Variants in TFAP2E observed in about 807,000 individuals in gnomAD.
TFAP2E encodes the protein transcription factor AP-2 epsilon.
A neutral mutation model predicts 37.9 loss-of-function variants in TFAP2E; 30 were observed. The observed-to-expected ratio is 0.79, with a 90% confidence interval of 0.59 to 1.07. The LOEUF is 1.07. Among genes scored for constraint, TFAP2E ranks in the 50% least tolerant of loss-of-function variants. The pLI is 0.00. For missense variants in TFAP2E, 567 were observed against 637.9 expected, an observed-to-expected ratio of 0.89 and a Z score of 1.20; for synonymous variants, 318 against 295.8, an observed-to-expected ratio of 1.08 and a Z score of -0.77.
At chr1:35,576,393 G>A (rs972318907) in intron 3 of TFAP2E, among the ~76,000 whole-genome samples, 1 of 152,168 alleles carries the variant, frequency 6.6e-6, no homozygotes, top group Middle Eastern at 3.2e-3. Flanking sequence ...CAGCTCTGCT[G>A]GTGGGGCTTG....
Position 35,588,606 on chromosome 1 carries a change from G to T in TFAP2E, c.785+54G>T, listed in dbSNP as rs1438954088. ...CTGATTGGATCCCTGGCCTCTTCAGGCCTTCTCAAGGCATCAGAGAGGAGG... is the reference window on the plus strand; with the variant it reads ...CTGATTGGATCCCTGGCCTCTTCAGTCCTTCTCAAGGCATCAGAGAGGAGG... On this transcript the variant is annotated intron_variant, in intron 4 of 6. Coordinates refer to ENST00000373235, the MANE Select transcript of TFAP2E (RefSeq NM_178548.4). The surrounding 1 kb of genome is among the most constrained non-coding windows in gnomAD (Gnocchi z 5.1). 21 of 1,496,870 alleles carry T rather than the reference G, an allele frequency of 1.4e-5. No individual in the cohort carries two copies. Among genetic ancestry groups the T allele is most frequent in the Non-Finnish European group, 1.9e-5 (21 of 1,116,766 alleles). 92.7% of individuals were successfully genotyped at this position (1,496,870 alleles called of 1,614,324 possible). A position where few individuals can be genotyped will look rare whatever the true frequency, so the allele number is the denominator to read the frequency against.
At chr1:35,591,832 G>C (rs149000178) in intron 6 of TFAP2E, among the ~76,000 whole-genome samples, 1 of 152,108 alleles carries the variant, frequency 6.6e-6, no homozygotes, top group African/African-American at 2.4e-5. Flanking sequence ...GATCACAGGC[G>C]CCTGCCACCA....
Position 35,588,246 on chromosome 1 carries a change from T to C in TFAP2E, c.563-84T>C. 1 of 1,395,120 alleles carries C rather than the reference T, an allele frequency of 7.2e-7. No homozygotes were observed. 86.4% of individuals were successfully genotyped at this position (1,395,120 alleles called of 1,614,324 possible). A position where few individuals can be genotyped will look rare whatever the true frequency, so the allele number is the denominator to read the frequency against. The stretch of plus-strand genomic sequence containing the variant: ...ACCTCACTGTGGCTCAGTTTCTCCC[T>C]TCATAAAGCAAGGATACCAGACCCT... On this transcript the variant is annotated intron_variant, in intron 3 of 6. Transcript: ENST00000373235. The surrounding 1 kb of genome is among the most constrained non-coding windows in gnomAD (Gnocchi z 5.1).
chr1:35,584,218 C>T (rs1372949965), intron 3 of TFAP2E, among the ~76,000 whole-genome samples: 1 of 152,218 alleles, frequency 6.6e-6, no homozygotes, highest in Admixed American at 6.5e-5. Context: ...TGGCCTCAGC[C>T]TTCCGAGCAG....
At chr1:35,592,446 G>A (rs571116266) in intron 6 of TFAP2E, among the ~76,000 whole-genome samples, 11 of 152,198 alleles carry the variant, frequency 7.2e-5, no homozygotes, top group South Asian at 2.1e-4. Context: ...TGCCCAGGCC[G>A]GAGTGCAGTG....
In TFAP2E at chr1:35,574,090, T is replaced by C; in HGVS notation, c.191T>C (p.Leu64Pro). The change falls in exon 2 of 7, where the codon CTG becomes CCG. Residue 64 changes from leucine (L) to proline (P), a missense_variant. Transcript: ENST00000373235. ...CCGCCGCCCTACCCGCAGCCACCGC[T>C]GCCCTACGGTCAGGCGCCCGACGCC... ...YFPPPYPQPP[L>P]PYGQAPDAAA... is the part of the protein sequence containing the mutation. 1 of 1,474,270 alleles carries C rather than the reference T, an allele frequency of 6.8e-7. No homozygotes were observed. Among genetic ancestry groups the C allele is most frequent in the South Asian group, 1.3e-5 (1 of 79,828 alleles). 91.3% of individuals were successfully genotyped at this position (1,474,270 alleles called of 1,614,324 possible). A position where few individuals can be genotyped will look rare whatever the true frequency, so the allele number is the denominator to read the frequency against.
intron 3 of TFAP2E, among the ~76,000 whole-genome samples, chr1:35,582,845 T>C (rs559805535): frequency 1.6e-4 from 24 of 152,244 alleles, no homozygotes; most frequent in Non-Finnish European, 3.4e-4. Context: ...TAATATCTTT[T>C]GAGGTGCAAA....
intron 3 of TFAP2E, among the ~76,000 whole-genome samples, chr1:35,576,982 G>T (rs1649195722): frequency 7.1e-6 from 1 of 140,404 alleles, no homozygotes; most frequent in African/African-American, 3.0e-5. Context: ...CAGCGCCAGC[G>T]GGACCCCAGC....
intron 3 of TFAP2E, among the ~76,000 whole-genome samples, chr1:35,581,138 C>T (rs886674282): frequency 1.3e-5 from 2 of 152,166 alleles, no homozygotes; most frequent in South Asian, 2.1e-4. Context: ...TTGCATCAAG[C>T]GTCTTTTGCT....
intron 4 of TFAP2E, among the ~76,000 whole-genome samples, chr1:35,589,327 T>A (rs1264142477): frequency 6.6e-6 from 1 of 151,714 alleles, no homozygotes; most frequent in Non-Finnish European, 1.5e-5. Flanking sequence ...AGGGGTTATC[T>A]CCTTACTCCT....
rs752838088 is a variant in TFAP2E at position 35,589,945 on chromosome 1, T to C, written c.801T>C (p.Asn267=). The change falls in exon 5 of 7, where the codon AAT becomes AAC. Residue 267 remains asparagine (N), a synonymous_variant. Transcript: ENST00000373235. Reference sequence around the variant, plus strand: ...GCATGTCAAGGGCCAAGTCCAAAAATGGGGGCCGGTGTTTGCGGGAACGGT... The same window carrying C: ...GCATGTCAAGGGCCAAGTCCAAAAACGGGGGCCGGTGTTTGCGGGAACGGT... ...GGVLRRAKSK[N]GGRCLRERLE... is the part of the protein sequence containing the mutation. The C allele has an allele frequency of 1.9e-6, 3 of 1,613,944 alleles. No homozygotes were observed. Among genetic ancestry groups the C allele is most frequent in the African/African-American group, 1.3e-5 (1 of 75,006 alleles).
intron 2 of TFAP2E, 149 bp from the exon 3 acceptor site, chr1:35,574,800 T>A (rs1318048438): frequency 1.0e-6 from 1 of 1,004,094 alleles, no homozygotes; most frequent in Non-Finnish European, 1.6e-6. Flanking sequence ...TGCCTGGACA[T>A]AGCGATTCCT....
At chr1:35,594,360 GTCC>G (rs770970891) in intron 6 of TFAP2E, 31 bp from the exon 7 acceptor site, 12 of 1,598,510 alleles carry the variant, frequency 7.5e-6, no homozygotes, top group Non-Finnish European at 9.3e-6. Context: ...TCAGACTTTT[GTCC>G]TCCAACCTCT....
chr1:35,574,638 G>A (rs1649116176), intron 2 of TFAP2E: 1 of 755,290 alleles, frequency 1.3e-6, no homozygotes, highest in African/African-American at 1.8e-5. Context: ...ACCCTCGGCA[G>A]GGACCGAATC....
rs201106841 is a variant in TFAP2E, at chr1:35,583,603, AGTGTGT to A, written c.563-4693_563-4688del. On this transcript the variant is annotated intron_variant, in intron 3 of 6. Transcript: ENST00000373235. ...AACCGGGAGCTCTTGTGTCTGCAGGAGTGTGTGTGTGTGTGTGTGTGTGTGTGTGTG... is the reference window on the plus strand; with the variant it reads ...AACCGGGAGCTCTTGTGTCTGCAGGAGTGTGTGTGTGTGTGTGTGTGTGTG... Among the ~76,000 whole-genome samples the A allele has an allele frequency of 9.1e-3, 1,256 of 137,988 alleles. 14 individuals carry two copies. The highest frequency in any genetic ancestry group is 0.029 in the African/African-American group (1,108 of 37,852). The allele number at this position is 137,988 out of a possible 152,430, so 90.5% of individuals were successfully genotyped here.
chr1:35,580,963 CA>C (rs529215019), intron 3 of TFAP2E, among the ~76,000 whole-genome samples: 2 of 152,086 alleles, frequency 1.3e-5, no homozygotes, highest in Non-Finnish European at 2.9e-5. Context: ...ACCATTACCA[CA>C]AAAAAATCCA....
chr1:35,582,782 C>G (rs1649386766), intron 3 of TFAP2E, among the ~76,000 whole-genome samples: 2 of 152,074 alleles, frequency 1.3e-5, no homozygotes, highest in Non-Finnish European at 2.9e-5. Context: ...GCCTGAGCCT[C>G]TCGAGTAACT....
intron 3 of TFAP2E, among the ~76,000 whole-genome samples, chr1:35,586,931 G>A (rs918107577): frequency 2.6e-5 from 4 of 152,232 alleles, no homozygotes; most frequent in Non-Finnish European, 5.9e-5. Flanking sequence ...CTTTGAGACT[G>A]CAGTCTTGGG....
In TFAP2E at chr1:35,591,609, G is replaced by A. The variant is rs41375048; in HGVS notation, c.1046+834G>A. On this transcript the variant is annotated intron_variant, in intron 6 of 6. Transcript: ENST00000373235. ...TGCATAAGAATCTTCAATGGTTCCC[G>A]CTGCATTGATTTTCAAACTAGGTCT... 5.9e-3 allele frequency among the ~76,000 whole-genome samples: 898 copies of A among 152,304 alleles called. 20 individuals are homozygous for A. The East Asian group carries it at 0.062, about 10-fold the overall frequency.
Sources: allele counts gnomAD v4.1 joint callset (sites outside exome capture counted in the v4.1 genomes callset), GRCh38; gene constraint gnomAD v4.1.1; non-coding constraint Gnocchi (gnomAD v3.1); transcripts MANE v1.5; gene names NCBI Gene and HGNC (gene_info 2026-07-23, HGNC 2026-07-21).